Variants in ME3 observed in about 807,000 individuals in gnomAD.
ME3 encodes malic enzyme 3.
A neutral mutation model predicts 68.9 loss-of-function variants in ME3; 48 were observed. That is an observed-to-expected ratio of 0.70 (90% CI 0.55 to 0.89). The LOEUF (loss-of-function observed/expected upper bound fraction) is 0.89, where lower values mean the gene tolerates loss of function less well. Among genes scored for constraint, ME3 ranks in the 40% least tolerant of loss-of-function variants. The pLI, the probability that ME3 is intolerant of heterozygous loss-of-function variation, is 0.00. For synonymous variants in ME3, 320 were observed against 318.8 expected, an observed-to-expected ratio of 1.00 and a Z score of -0.04; for missense variants, 675 against 797.4, an observed-to-expected ratio of 0.85 and a Z score of 1.85.
At chr11:86,613,836 C>A (rs2212340) in intron 2 of ME3, among the ~76,000 whole-genome samples, 2 of 151,806 alleles carry the variant, frequency 1.3e-5, no homozygotes, top group Non-Finnish European at 2.9e-5. Flanking sequence ...AACAAATGGA[C>A]AAACGTTCCA....
intron 6 of ME3, among the ~76,000 whole-genome samples, chr11:86,495,984 C>A (rs979099608): frequency 1.1e-4 from 16 of 152,280 alleles, no homozygotes; most frequent in Admixed American, 2.0e-4. Flanking sequence ...ATCTCATTCC[C>A]ACCCCCAGGA....
intron 4 of ME3, among the ~76,000 whole-genome samples, chr11:86,529,366 T>C (rs1387441529): frequency 6.6e-6 from 1 of 152,134 alleles, no homozygotes; most frequent in Non-Finnish European, 1.5e-5. Flanking sequence ...CAATAATTAA[T>C]AGCTTACCAA....
chr11:86,550,955 G>A (rs1043073620), intron 4 of ME3, among the ~76,000 whole-genome samples: 6 of 151,886 alleles, frequency 4.0e-5, no homozygotes, highest in Non-Finnish European at 5.9e-5. Flanking sequence ...ATGTCCCAGG[G>A]GTCCCTCTGG....
At chr11:86,593,071 G>C (rs747145006) in intron 2 of ME3, among the ~76,000 whole-genome samples, 1 of 152,182 alleles carries the variant, frequency 6.6e-6, no homozygotes, top group Non-Finnish European at 1.5e-5. Context: ...GAACAAAGAA[G>C]CTTCCTGGAG....
chr11:86,668,634 C>A (rs997187916), intron 2 of ME3, among the ~76,000 whole-genome samples: 5 of 152,226 alleles, frequency 3.3e-5, no homozygotes, highest in African/African-American at 1.2e-4. Context: ...TCACAGATCA[C>A]ATGGCCAGAG....
At chr11:86,499,365 C>T (rs2139027900) in intron 5 of ME3, among the ~76,000 whole-genome samples, 1 of 152,290 alleles carries the variant, frequency 6.6e-6, no homozygotes, top group South Asian at 2.1e-4. Flanking sequence ...ACCTGCTCAC[C>T]AGCACTAGCT....
intron 8 of ME3, chr11:86,457,652 A>C (rs1425798617): frequency 1.6e-6 from 2 of 1,283,440 alleles, no homozygotes; most frequent in Non-Finnish European, 2.0e-6. Flanking sequence ...GAAGCTACTT[A>C]GCTGTTTCGA....
At chr11:86,503,165 C>G (rs1643898850) in intron 5 of ME3, among the ~76,000 whole-genome samples, 1 of 152,190 alleles carries the variant, frequency 6.6e-6, no homozygotes, top group Non-Finnish European at 1.5e-5. Flanking sequence ...GCTTCCTTGT[C>G]TATAAAATGG....
chr11:86,613,969 A>G (rs1417113775), intron 2 of ME3, among the ~76,000 whole-genome samples: 1 of 152,170 alleles, frequency 6.6e-6, no homozygotes. Flanking sequence ...AAAAAAATCT[A>G]CTTTAAATTT....
At chr11:86,616,888 T>C (rs1942993566) in intron 2 of ME3, among the ~76,000 whole-genome samples, 1 of 152,132 alleles carries the variant, frequency 6.6e-6, no homozygotes, top group Admixed American at 6.5e-5. Flanking sequence ...GTTTAGTTCA[T>C]AGTCATGTAC....
chr11:86,592,686 A>T (rs1010176936), intron 2 of ME3, among the ~76,000 whole-genome samples: 3 of 152,218 alleles, frequency 2.0e-5, no homozygotes, highest in Non-Finnish European at 2.9e-5. Flanking sequence ...TTAAGCCAGC[A>T]ACAAAGGAGC....
At chr11:86,440,242 G>A (rs978595239), downstream of ME3, among the ~76,000 whole-genome samples, 6 of 152,204 alleles carry the variant, frequency 3.9e-5, no homozygotes, top group Non-Finnish European at 8.8e-5. Context: ...ATCTCCACAT[G>A]TCTTAACATC....
intron 2 of ME3, among the ~76,000 whole-genome samples, chr11:86,669,628 A>G (rs1053129446): frequency 6.6e-6 from 1 of 152,202 alleles, no homozygotes; most frequent in African/African-American, 2.4e-5. Flanking sequence ...CCGTGATTCA[A>G]TTACCTCCCA....
intron 7 of ME3, 135 bp downstream of exon 7, chr11:86,487,202 G>A: frequency 1.4e-6 from 1 of 705,968 alleles, no homozygotes; most frequent in Non-Finnish European, 2.4e-6. Context: ...TAGGGGTCAA[G>A]TTGGAATTTT....
At chr11:86,607,949 A>G (rs1441664003) in intron 2 of ME3, among the ~76,000 whole-genome samples, 2 of 152,096 alleles carry the variant, frequency 1.3e-5, no homozygotes, top group Non-Finnish European at 2.9e-5. Context: ...AGATCATGCC[A>G]TGTCTCCCCT....
At chr11:86,519,567 C>T (rs1954118176) in intron 4 of ME3, among the ~76,000 whole-genome samples, 1 of 152,198 alleles carries the variant, frequency 6.6e-6, no homozygotes, top group African/African-American at 2.4e-5. Flanking sequence ...ATTAGGCAAA[C>T]CCCTGCAGCT....
chr11:86,486,107 C>A (rs750302567), intron 7 of ME3, among the ~76,000 whole-genome samples: 7 of 152,206 alleles, frequency 4.6e-5, no homozygotes, highest in Non-Finnish European at 7.3e-5. Context: ...CCTGCCCCAT[C>A]AGTGCCCAGT....
intron 2 of ME3, among the ~76,000 whole-genome samples, chr11:86,571,430 C>T (rs1402875565): frequency 6.6e-6 from 1 of 152,204 alleles, no homozygotes; most frequent in Non-Finnish European, 1.5e-5. Flanking sequence ...AGAACAGCAA[C>T]ATTAGTCTGC....
chr11:86,614,271 G>T (rs921296092), intron 2 of ME3, among the ~76,000 whole-genome samples: 1 of 152,192 alleles, frequency 6.6e-6, no homozygotes, highest in Non-Finnish European at 1.5e-5. Flanking sequence ...CTCATGTCTG[G>T]CTGATTCCAA....
Sources: gnomAD v4.1 joint callset for allele counts (sites outside exome capture counted in the v4.1 genomes callset) on GRCh38, gnomAD v4.1.1 for gene constraint, MANE v1.5 for transcripts, NCBI Gene and HGNC (gene_info 2026-07-23, HGNC 2026-07-21) for gene names.